The following NCAM2 variants were observed in gnomAD, a reference collection of about 807,000 sequenced individuals.
The protein encoded by NCAM2 is neural cell adhesion molecule 2.
Under a neutral mutation model 98.1 loss-of-function variants are expected in NCAM2, and 30 were observed. The ratio of observed to expected loss-of-function variants is 0.31; its 90% confidence interval spans 0.23 to 0.41. The LOEUF (loss-of-function observed/expected upper bound fraction) is 0.41, where lower values mean the gene tolerates loss of function less well. NCAM2 is among the 10% of genes least tolerant of loss of function. The pLI is 1.00. For synonymous variants in NCAM2, 368 were observed against 342.4 expected, an observed-to-expected ratio of 1.07 and a Z score of -0.83; for missense variants, 867 against 1,005.8, an observed-to-expected ratio of 0.86 and a Z score of 1.87.
intron 12 of NCAM2, among the ~76,000 whole-genome samples, chr21:21,453,043 A>G (rs1481080120): frequency 3.4e-5 from 4 of 117,364 alleles, no homozygotes; most frequent in Non-Finnish European, 5.0e-5. Context: ...AATAATATAT[A>G]CATATATAAA....
intron 1 of NCAM2, among the ~76,000 whole-genome samples, chr21:21,024,905 G>C (rs1371810783): frequency 6.6e-6 from 1 of 150,722 alleles, no homozygotes; most frequent in Non-Finnish European, 1.5e-5. Context: ...AAAAAAAAAA[G>C]TGTACAGTAC....
At chr21:21,291,278 G>A (rs2073283121) in intron 4 of NCAM2, among the ~76,000 whole-genome samples, 1 of 151,874 alleles carries the variant, frequency 6.6e-6, no homozygotes, top group African/African-American at 2.4e-5. Flanking sequence ...TGGACTATAT[G>A]TAAAAGCATT....
At chr21:21,101,369 A>AT (rs760242232) in intron 1 of NCAM2, among the ~76,000 whole-genome samples, 24 of 151,986 alleles carry the variant, frequency 1.6e-4, no homozygotes, top group Non-Finnish European at 3.2e-4. Context: ...TATGTTTTTG[A>AT]TTCTGTGATT....
intron 12 of NCAM2, among the ~76,000 whole-genome samples, chr21:21,439,641 G>A (rs1028189263): frequency 6.6e-6 from 1 of 151,974 alleles, no homozygotes. Context: ...TTGAATAAAG[G>A]CCTGAATTAA....
chr21:21,315,812 C>T (rs76942259), intron 5 of NCAM2, among the ~76,000 whole-genome samples: 2,827 of 152,124 alleles, frequency 0.019, 92 homozygotes, highest in East Asian at 0.15. Flanking sequence ...ATGTCTGCTG[C>T]GATTTACTTT....
chr21:21,455,982 T>C (rs1245064932), intron 12 of NCAM2, among the ~76,000 whole-genome samples: 1 of 152,048 alleles, frequency 6.6e-6, no homozygotes, highest in Non-Finnish European at 1.5e-5. Flanking sequence ...TAAAAATTCT[T>C]TCAAAATAAG....
chr21:21,401,786 T>A (rs548341326), intron 9 of NCAM2, among the ~76,000 whole-genome samples: 8 of 152,290 alleles, frequency 5.3e-5, no homozygotes, highest in Admixed American at 2.6e-4. Context: ...TACATACTAA[T>A]TGAAGTTCCT....
rs1446728219 is a variant in NCAM2 at position 21,452,767 on chromosome 21, A to G, written c.1655-13839A>G. Among the ~76,000 whole-genome samples, 10 of 82,542 alleles carry G rather than the reference A, an allele frequency of 1.2e-4. No homozygotes were observed. The South Asian group carries it at 2.0e-3, about 17-fold the overall frequency. 54.2% of individuals were successfully genotyped at this position (82,542 alleles called of 152,430 possible). ...TAATATATAATATATTACTTTATGT[A>G]TTAAAATATAGTATTACTTTATATA... On this transcript the variant is annotated intron_variant, in intron 12 of 17. Coordinates refer to ENST00000400546, the MANE Select transcript of NCAM2 (RefSeq NM_004540.5).
intron 1 of NCAM2, among the ~76,000 whole-genome samples, chr21:21,273,954 T>C (rs1320899212): frequency 6.6e-6 from 1 of 151,666 alleles, no homozygotes; most frequent in Non-Finnish European, 1.5e-5. Flanking sequence ...TCACCTGAGG[T>C]CGGGAGTTTG....
At chr21:21,180,150 C>T (rs190240836) in intron 1 of NCAM2, among the ~76,000 whole-genome samples, 2 of 152,234 alleles carry the variant, frequency 1.3e-5, no homozygotes, top group East Asian at 1.9e-4. Context: ...CAACAAAGGA[C>T]GTTCCAATGG....
intron 1 of NCAM2, among the ~76,000 whole-genome samples, chr21:21,157,813 TTTG>T (rs995965701): frequency 3.9e-5 from 6 of 152,120 alleles, no homozygotes; most frequent in Admixed American, 1.3e-4. Context: ...TTTAAAAAGT[TTTG>T]TTGTTGTTGT....
At chr21:21,088,970 C>CAAGA (rs769220357) in intron 1 of NCAM2, among the ~76,000 whole-genome samples, 1 of 138,778 alleles carries the variant, frequency 7.2e-6, no homozygotes, top group Non-Finnish European at 1.6e-5. Flanking sequence ...AACTCTGTCT[C>CAAGA]AAAAAAAAAA....
intron 1 of NCAM2, among the ~76,000 whole-genome samples, chr21:21,129,755 G>A (rs984856537): frequency 9.9e-5 from 15 of 152,106 alleles, no homozygotes; most frequent in African/African-American, 2.9e-4. Context: ...TTAGAGGAGC[G>A]CAAGCATTCA....
intron 1 of NCAM2, among the ~76,000 whole-genome samples, chr21:21,001,721 A>G (rs1362095418): frequency 6.6e-6 from 1 of 152,230 alleles, no homozygotes; most frequent in African/African-American, 2.4e-5. Flanking sequence ...AACCTAAAGT[A>G]AGAATAATGC....
chr21:21,340,096 A>G (rs937234343), intron 8 of NCAM2, among the ~76,000 whole-genome samples: 12 of 152,030 alleles, frequency 7.9e-5, no homozygotes, highest in Middle Eastern at 3.4e-3. Flanking sequence ...TTAAAAAAAT[A>G]CAATCGTATC....
At chr21:21,365,155 A>C (rs552617903) in intron 8 of NCAM2, among the ~76,000 whole-genome samples, 3 of 152,096 alleles carry the variant, frequency 2.0e-5, no homozygotes, top group Non-Finnish European at 4.4e-5. Context: ...TGGAGATGAC[A>C]GAATTTCACA....
chr21:21,357,064 G>C (rs567590765), intron 8 of NCAM2, among the ~76,000 whole-genome samples: 2 of 152,140 alleles, frequency 1.3e-5, no homozygotes, highest in Non-Finnish European at 2.9e-5. Context: ...TAAGAGGGGA[G>C]ATGAAACTAA....
intron 1 of NCAM2, among the ~76,000 whole-genome samples, chr21:21,169,669 C>T (rs1397145771): frequency 6.6e-6 from 1 of 152,152 alleles, no homozygotes; most frequent in Non-Finnish European, 1.5e-5. Context: ...ATACAGACAG[C>T]CAGGCATGGT....
chr21:21,166,523 A>G (rs1010211411), intron 1 of NCAM2, among the ~76,000 whole-genome samples: 1 of 152,102 alleles, frequency 6.6e-6, no homozygotes, highest in African/African-American at 2.4e-5. Flanking sequence ...CAAGACTTAT[A>G]CAATGATAAG....
Sources: gnomAD v4.1 joint callset for allele counts (sites outside exome capture counted in the v4.1 genomes callset) on GRCh38, gnomAD v4.1.1 for gene constraint, MANE v1.5 for transcripts, NCBI Gene and HGNC (gene_info 2026-07-23, HGNC 2026-07-21) for gene names.